GAS7: variants seen among roughly 807,000 people sequenced by gnomAD.
GAS7 encodes the protein growth arrest-specific protein 7.
A neutral mutation model predicts 71.1 loss-of-function variants in GAS7; 28 were observed. The observed-to-expected ratio is 0.39, with a 90% CI of 0.29 to 0.54. The LOEUF (loss-of-function observed/expected upper bound fraction) is 0.54. GAS7 is among the 20% of genes least tolerant of loss of function. The pLI, the probability that GAS7 is intolerant of heterozygous loss-of-function variation, is 0.62. For synonymous variants in GAS7, 258 were observed against 245.8 expected, an observed-to-expected ratio of 1.05 and a Z score of -0.46; for missense variants, 436 against 627.8, an observed-to-expected ratio of 0.69 and a Z score of 3.27.
chr17:10,152,242 G>A (rs1335813100), intron 1 of GAS7, among the ~76,000 whole-genome samples: 1 of 152,144 alleles, frequency 6.6e-6, no homozygotes, highest in Non-Finnish European at 1.5e-5. Context: ...GAAGTTCCCC[G>A]AAAAGATGGG....
At chr17:10,084,791 C>T (rs2073499218) in intron 1 of GAS7, among the ~76,000 whole-genome samples, 1 of 152,124 alleles carries the variant, frequency 6.6e-6, no homozygotes, top group East Asian at 1.9e-4. Context: ...TTAATAGCAG[C>T]CCGCTCTTTT....
At chr17:10,142,973 C>G (rs1347365064) in intron 1 of GAS7, among the ~76,000 whole-genome samples, 1 of 150,704 alleles carries the variant, frequency 6.6e-6, no homozygotes, top group Non-Finnish European at 1.5e-5. Context: ...GAGTTCGAGA[C>G]CAGCCTGGCC....
At chr17:9,953,480 T>C (rs899294921) in intron 5 of GAS7, among the ~76,000 whole-genome samples, 2 of 152,202 alleles carry the variant, frequency 1.3e-5, no homozygotes, top group Admixed American at 1.3e-4. Context: ...GCACCCTCTT[T>C]AGGGCTTTGC....
At chr17:10,172,700 A>AAG (rs1203247920) in intron 1 of GAS7, among the ~76,000 whole-genome samples, 5 of 152,250 alleles carry the variant, frequency 3.3e-5, no homozygotes, top group African/African-American at 1.2e-4. Flanking sequence ...AGGGAATTTT[A>AAG]CACCCATTTA....
chr17:10,127,648 G>T (rs572897638), intron 1 of GAS7, among the ~76,000 whole-genome samples: 152 of 152,314 alleles, frequency 1.0e-3, no homozygotes, highest in African/African-American at 3.5e-3. Context: ...ACCAGATCTT[G>T]CGCAGAAAAT....
In GAS7 at chr17:9,978,757, T is replaced by C. The variant is rs1490228558; in HGVS notation, c.385+3047A>G. Among the ~76,000 whole-genome samples the C allele has an allele frequency of 4.6e-5, 7 of 152,156 alleles. No individual in the cohort carries two copies. In the South Asian group the frequency reaches 6.2e-4, roughly 13 times the overall value. On this transcript the variant is annotated intron_variant, in intron 3 of 13. Transcript: ENST00000432992. ...AATATGTCAGGGGAAAATGTATGTC[T>C]CAGAATCAATGACACAGGACTCTTC... is the stretch of plus-strand genomic sequence containing the variant.
At chr17:9,985,828 C>A (rs559399333) in intron 2 of GAS7, among the ~76,000 whole-genome samples, 2 of 152,368 alleles carry the variant, frequency 1.3e-5, no homozygotes, top group South Asian at 4.1e-4. Flanking sequence ...GAGCTCCCCA[C>A]GGCGCTGCCG....
rs138271187 is a variant in GAS7 at position 9,973,791 on chromosome 17, G to C, written c.386-4029C>G. Among the ~76,000 whole-genome samples the C allele has an allele frequency of 1.7e-3, 256 of 152,218 alleles. 1 individual carries two copies. The highest frequency in any genetic ancestry group is 5.8e-3 in the African/African-American group (241 of 41,534). On this transcript the variant is annotated intron_variant, in intron 3 of 13. Transcript: ENST00000432992. The stretch of plus-strand genomic sequence containing the variant: ...CATAGAAACATGTGGCAGGCTTCCA[G>C]GTCTATTTTACAAAGTCAACATGAC...
At position 9,925,735 on chromosome 17, in the gene GAS7, C is replaced by T. The variant is rs116253956; in HGVS notation, c.1015-136G>A. 1.2e-3 allele frequency: 1,132 copies of T among 911,036 alleles called. 8 individuals are homozygous for T. In the African/African-American group the frequency reaches 0.018, roughly 14 times the overall value. The allele number at this position is 911,036 out of a possible 1,614,324, so 56.4% of individuals were successfully genotyped here. On this transcript the variant is annotated intron_variant, in intron 10 of 13. Transcript: ENST00000432992. ...ATGATGCCACAGTGGTCCAGAGAGGCCCAGCAGCCAGAGTGGCACCACCCA... is the reference window on the plus strand; with the variant it reads ...ATGATGCCACAGTGGTCCAGAGAGGTCCAGCAGCCAGAGTGGCACCACCCA...
rs534850423 is a variant in GAS7 at position 10,007,909 on chromosome 17, C to A, written c.304+11868G>T. 9.9e-5 allele frequency among the ~76,000 whole-genome samples: 15 copies of A among 152,180 alleles called. No individual in the cohort carries two copies. In the Middle Eastern group the frequency reaches 0.017, roughly 173 times the overall value. ...CTCGCCATTAATTCCAGCTCCCCCCCGCAACCACCAGGGTGGTTTTCTGTG... is the reference window on the plus strand; with the variant it reads ...CTCGCCATTAATTCCAGCTCCCCCCAGCAACCACCAGGGTGGTTTTCTGTG... On this transcript the variant is annotated intron_variant, in intron 2 of 13. Transcript: ENST00000432992.
chr17:10,164,924 G>T, intron 1 of GAS7, among the ~76,000 whole-genome samples: 1 of 151,604 alleles, frequency 6.6e-6, no homozygotes. Context: ...CAAGGCAGGC[G>T]GATCACCTGA....
intron 1 of GAS7, among the ~76,000 whole-genome samples, chr17:10,054,233 C>T (rs1167420541): frequency 1.3e-5 from 2 of 151,270 alleles, no homozygotes; most frequent in African/African-American, 4.9e-5. Context: ...GGGAATATTT[C>T]CTGCTTTCCC....
chr17:10,104,603 T>C (rs1471837031), intron 1 of GAS7, among the ~76,000 whole-genome samples: 3 of 152,210 alleles, frequency 2.0e-5, no homozygotes, highest in African/African-American at 7.2e-5. Context: ...ATCTAATGAC[T>C]CATTTTCTTC....
At chr17:10,175,888 G>A (rs1375381215) in intron 1 of GAS7, among the ~76,000 whole-genome samples, 3 of 152,142 alleles carry the variant, frequency 2.0e-5, no homozygotes, top group African/African-American at 4.8e-5. Context: ...AATACGAGTG[G>A]GGAGTGGGTC....
chr17:10,102,459 G>A (rs981876937), intron 1 of GAS7, among the ~76,000 whole-genome samples: 1 of 152,028 alleles, frequency 6.6e-6, no homozygotes, highest in Non-Finnish European at 1.5e-5. Flanking sequence ...GTATTTCTTT[G>A]GTGGGACTAC....
intron 2 of GAS7, among the ~76,000 whole-genome samples, chr17:9,988,849 C>CCTT (rs1555612579): frequency 7.6e-6 from 1 of 131,778 alleles, no homozygotes; most frequent in Non-Finnish European, 1.6e-5. Context: ...CTGTCATTTC[C>CCTT]TTTTTTTTTT....
chr17:10,005,676 A>G (rs1162535283), intron 2 of GAS7, among the ~76,000 whole-genome samples: 2 of 152,092 alleles, frequency 1.3e-5, no homozygotes, highest in East Asian at 1.9e-4. Context: ...ATTTTTAAGC[A>G]CTGTGTTCAC....
intron 10 of GAS7, 30 bp from the exon 11 acceptor site, chr17:9,925,629 C>T (rs1276468900): frequency 8.7e-6 from 14 of 1,613,610 alleles, no homozygotes; most frequent in Non-Finnish European, 1.2e-5. Context: ...AGAAGCTGCT[C>T]ATACAGCTCG....
rs185019599 is a variant in GAS7, at chr17:10,164,888, C to T, written c.183+33320G>A. Among the ~76,000 whole-genome samples, 15 of 150,296 alleles carry T rather than the reference C, an allele frequency of 1.0e-4. 1 individual carries two copies. Among genetic ancestry groups the T allele is most frequent in the Admixed American group, 4.6e-4 (7 of 15,086 alleles). On this transcript the variant is annotated intron_variant, in intron 1 of 13. Transcript: ENST00000432992. ...AAAAGGCTGGGCGCAGTGGCTCACG[C>T]CTGTAATCCCAGCACTGTGGGAGGC...
Sources: allele counts gnomAD v4.1 joint callset (sites outside exome capture counted in the v4.1 genomes callset), GRCh38; gene constraint gnomAD v4.1.1; transcripts MANE v1.5; gene names NCBI Gene and HGNC (gene_info 2026-07-23, HGNC 2026-07-21).